Variants in GRIA3 observed in about 807,000 individuals in gnomAD.
GRIA3 encodes the protein glutamate ionotropic receptor AMPA type subunit 3.
Under a neutral mutation model 63.0 loss-of-function variants are expected in GRIA3, and 3 were observed. The ratio of observed to expected loss-of-function variants is 0.05; its 90% CI spans 0.02 to 0.12. The LOEUF (loss-of-function observed/expected upper bound fraction) is 0.12. Among genes scored for constraint, GRIA3 ranks in the 10% least tolerant of loss-of-function variants. GRIA3 has a pLI of 1.00. For synonymous variants in GRIA3, 274 were observed against 257.9 expected, an observed-to-expected ratio of 1.06 and a Z score of -0.60; for missense variants, 347 against 700.9, an observed-to-expected ratio of 0.50 and a Z score of 5.70.
At chrX:123,243,022 A>G (rs2044338958) in intron 2 of GRIA3, among the ~76,000 whole-genome samples, 1 of 112,125 alleles carries the variant, frequency 8.9e-6, no homozygotes, top group South Asian at 3.7e-4. Context: ...CAATTGTTAT[A>G]GATATGGAAA....
intron 11 of GRIA3, 56 bp from the exon 12 acceptor site, chrX:123,427,885 C>A (rs2045598609): frequency 1.2e-6 from 1 of 843,545 alleles, no homozygotes; most frequent in African/African-American, 2.0e-5. Flanking sequence ...AAAAGGATTT[C>A]TTAAACTTAG....
chrX:123,416,920 A>C (rs2045539600), intron 10 of GRIA3, among the ~76,000 whole-genome samples: 1 of 112,730 alleles, frequency 8.9e-6, no homozygotes, highest in South Asian at 3.6e-4. Context: ...AACACCTAAG[A>C]ATTAAACTGC....
rs144368886 is a variant in GRIA3 at position 123,345,990 on chromosome X, T to C, written c.697-8920T>C. Among the ~76,000 whole-genome samples the C allele has an allele frequency of 8.6e-3, 960 of 111,826 alleles. 12 individuals carry two copies. Among genetic ancestry groups the C allele is most frequent in the African/African-American group, 0.029 (906 of 30,768 alleles). ...GCATTGGGCAATCTGTTAAGAACTA[T>C]AGATACATTATTTTATTTATTCCTC... On this transcript the variant is annotated intron_variant, in intron 4 of 15. Coordinates refer to ENST00000620443, the MANE Select transcript of GRIA3 (RefSeq NM_007325.5).
chrX:123,202,301 C>T (rs897610909), intron 2 of GRIA3, among the ~76,000 whole-genome samples: 2 of 112,031 alleles, frequency 1.8e-5, no homozygotes, highest in Non-Finnish European at 3.8e-5. Flanking sequence ...ATCTGACAAC[C>T]TTTTCAACTT....
intron 12 of GRIA3, among the ~76,000 whole-genome samples, chrX:123,443,579 G>T (rs2045687584): frequency 9.0e-6 from 1 of 111,653 alleles, no homozygotes; most frequent in East Asian, 2.8e-4. Flanking sequence ...GCCCTTTGGA[G>T]AGAAGCTCTC....
intron 15 of GRIA3, among the ~76,000 whole-genome samples, chrX:123,483,640 T>C (rs1264586538): frequency 8.9e-6 from 1 of 112,143 alleles, no homozygotes. Flanking sequence ...GGAACAGATA[T>C]TAAAATTAGG....
chrX:123,429,804 G>A (rs997523684), intron 12 of GRIA3, among the ~76,000 whole-genome samples: 1 of 111,620 alleles, frequency 9.0e-6, no homozygotes, highest in Admixed American at 9.4e-5. Context: ...TGAACCCTCA[G>A]ATAAGAGATA....
At chrX:123,442,880 A>T (rs1303185186) in intron 12 of GRIA3, among the ~76,000 whole-genome samples, 1 of 107,444 alleles carries the variant, frequency 9.3e-6, no homozygotes, top group Non-Finnish European at 1.9e-5. Flanking sequence ...GGAGGCTGGA[A>T]GTTGGGCCTG....
chrX:123,472,667 T>G (rs1264048807), intron 13 of GRIA3, among the ~76,000 whole-genome samples: 1 of 111,795 alleles, frequency 8.9e-6, no homozygotes, highest in African/African-American at 3.3e-5. Flanking sequence ...AGTAGAAATC[T>G]ATCAGTGAAA....
chrX:123,188,163 T>C (rs1927330128), intron 2 of GRIA3, among the ~76,000 whole-genome samples: 1 of 111,826 alleles, frequency 8.9e-6, no homozygotes, highest in Non-Finnish European at 1.9e-5. Context: ...ACCAGTGTTG[T>C]GTATCCAGCT....
chrX:123,250,827 T>G (rs376429612), intron 2 of GRIA3, among the ~76,000 whole-genome samples: 30 of 112,453 alleles, frequency 2.7e-4, no homozygotes, highest in African/African-American at 9.7e-4. Flanking sequence ...TGAGGCATAC[T>G]TATACTAAAA....
At chrX:123,478,722 T>C (rs2045898217) in intron 13 of GRIA3, among the ~76,000 whole-genome samples, 2 of 112,243 alleles carry the variant, frequency 1.8e-5, no homozygotes, top group Non-Finnish European at 1.9e-5. Context: ...TTATCCAAAA[T>C]AGGCTAAGAA....
intron 3 of GRIA3, among the ~76,000 whole-genome samples, chrX:123,283,580 C>G (rs181509127): frequency 1.8e-5 from 2 of 110,982 alleles, no homozygotes; most frequent in Non-Finnish European, 1.9e-5. Flanking sequence ...CCACCATTAC[C>G]GAGACTTGAG....
intron 12 of GRIA3, among the ~76,000 whole-genome samples, chrX:123,456,192 C>T (rs1409276213): frequency 1.8e-5 from 2 of 111,032 alleles, no homozygotes; most frequent in African/African-American, 6.6e-5. Context: ...TGGGCACACA[C>T]ACTGTTCTCA....
chrX:123,368,066 A>C (rs2045224028), intron 5 of GRIA3, among the ~76,000 whole-genome samples: 1 of 111,779 alleles, frequency 8.9e-6, no homozygotes, highest in African/African-American at 3.3e-5. Context: ...TCATTATACA[A>C]GGGAAAAAAT....
chrX:123,480,545 G>A (rs1469052166), intron 14 of GRIA3, among the ~76,000 whole-genome samples: 1 of 112,286 alleles, frequency 8.9e-6, no homozygotes, highest in Non-Finnish European at 1.9e-5. Flanking sequence ...AGATTTATTT[G>A]TGACAGTACT....
intron 13 of GRIA3, among the ~76,000 whole-genome samples, chrX:123,476,002 C>G (rs1359588486): frequency 9.0e-6 from 1 of 111,279 alleles, no homozygotes; most frequent in African/African-American, 3.3e-5. Context: ...AAATAGACAC[C>G]ATAAATCTAC....
chrX:123,220,074 C>T (rs1399787195), intron 2 of GRIA3, among the ~76,000 whole-genome samples: 2 of 112,391 alleles, frequency 1.8e-5, no homozygotes, highest in African/African-American at 6.5e-5. Flanking sequence ...GTCACATCAC[C>T]TCAGGGGATC....
rs2045091993 is a variant in GRIA3, at chrX:123,351,207, C to T, written c.697-3703C>T. Among the ~76,000 whole-genome samples the T allele has an allele frequency of 2.7e-5, 3 of 111,854 alleles. No homozygotes were observed. In the Admixed American group the frequency reaches 2.8e-4, roughly 11 times the overall value. On this transcript the variant is annotated intron_variant, in intron 4 of 15. Coordinates refer to ENST00000620443, the MANE Select transcript of GRIA3 (RefSeq NM_007325.5). ...GTTCATCTATAACAGATGGAAAGAA[C>T]AAAGATTTAGGGTGAGCTGAACAAG... is the stretch of plus-strand genomic sequence containing the variant.
Sources: gnomAD v4.1 joint callset for allele counts (sites outside exome capture counted in the v4.1 genomes callset) on GRCh38, gnomAD v4.1.1 for gene constraint, MANE v1.5 for transcripts, NCBI Gene and HGNC (gene_info 2026-07-23, HGNC 2026-07-21) for gene names.